GRAP2: variants seen among roughly 807,000 people sequenced by gnomAD.
The protein encoded by GRAP2 is GRB2-related adapter protein 2.
GRAP2 carries 31 observed loss-of-function variants against 43.5 expected under a neutral mutation model. The observed-to-expected ratio is 0.71, with a 90% CI of 0.54 to 0.96. The LOEUF (loss-of-function observed/expected upper bound fraction) is 0.96, where lower values mean the gene tolerates loss of function less well. Ranked by LOEUF, GRAP2 falls within the 40% of genes least tolerant of loss-of-function variation. The pLI is 0.00. For missense variants in GRAP2, 371 were observed against 424.4 expected, an observed-to-expected ratio of 0.87 and a Z score of 1.11; for synonymous variants, 156 against 164.8, an observed-to-expected ratio of 0.95 and a Z score of 0.41.
Position 39,901,273 on chromosome 22 carries a change from A to G in GRAP2, c.-72A>G, listed in dbSNP as rs2066490897. ...TTTGTCTCCCTTCTTGCCAGAAAGG[A>G]TTCTAATAACTCGGTGTCAAAGCCA... is the stretch of plus-strand genomic sequence containing the variant. On this transcript the variant is annotated 5_prime_UTR_variant, in exon 1 of 8. Transcript: ENST00000344138. 1 of 1,283,314 alleles carries G rather than the reference A, an allele frequency of 7.8e-7. No homozygotes were observed. The allele number at this position is 1,283,314 out of a possible 1,614,324, so 79.5% of individuals were successfully genotyped here. A position where few individuals can be genotyped will look rare whatever the true frequency, so the allele number is the denominator to read the frequency against.
chr22:39,916,953 ATCTTTT>A (rs1184591668), intron 1 of GRAP2, among the ~76,000 whole-genome samples: 336 of 152,238 alleles, frequency 2.2e-3, no homozygotes, highest in African/African-American at 7.9e-3. Flanking sequence ...AATTATTATT[ATCTTTT>A]AATTAAAATG....
chr22:39,920,154 CAA>C (rs2066636579), intron 1 of GRAP2, among the ~76,000 whole-genome samples: 1 of 152,150 alleles, frequency 6.6e-6, no homozygotes, highest in Non-Finnish European at 1.5e-5. Flanking sequence ...TGTCAGAGAA[CAA>C]AGAGTGGGCT....
chr22:39,897,182 C>G (rs898486962), upstream of GRAP2, among the ~76,000 whole-genome samples: 1 of 152,166 alleles, frequency 6.6e-6, no homozygotes, highest in Non-Finnish European at 1.5e-5. Flanking sequence ...GCCTTCCAAA[C>G]CTTCTCTCCC....
chr22:39,964,462 A>C, intron 4 of GRAP2: 1 of 1,014,616 alleles, frequency 9.9e-7, no homozygotes, highest in Non-Finnish European at 1.5e-6. Flanking sequence ...GAAGGCTTTC[A>C]AGCAGAAACA....
At chr22:39,967,891 A>G in intron 5 of GRAP2, 151 bp from the exon 6 acceptor site, 2 of 983,176 alleles carry the variant, frequency 2.0e-6, no homozygotes, top group South Asian at 3.7e-5. Flanking sequence ...GTGAAGGTCT[A>G]AAGCATCAAT....
intron 1 of GRAP2, among the ~76,000 whole-genome samples, chr22:39,921,214 C>G (rs2145589197): frequency 6.6e-6 from 1 of 152,276 alleles, no homozygotes; most frequent in South Asian, 2.1e-4. Flanking sequence ...AGCCAGCCAG[C>G]CTGGATTTGA....
At position 39,971,093 on chromosome 22, in the gene GRAP2, G is replaced by C; in HGVS notation, c.*9G>C. 6.3e-7 allele frequency: 1 copy of C among 1,598,826 alleles called. No individual in the cohort carries two copies. The highest frequency in any genetic ancestry group is 8.5e-7 in the Non-Finnish European group (1 of 1,173,802). ...CACCCATGACCCGATAAACTCTTCAGGGGACAGAAGCTTTTTGTCTGGAGC... is the reference window on the plus strand; with the variant it reads ...CACCCATGACCCGATAAACTCTTCACGGGACAGAAGCTTTTTGTCTGGAGC... On this transcript the variant is annotated 3_prime_UTR_variant, in exon 8 of 8. Coordinates refer to ENST00000344138, the MANE Select transcript of GRAP2 (RefSeq NM_004810.4).
intron 4 of GRAP2, among the ~76,000 whole-genome samples, chr22:39,963,381 TAAAAGGGTC>T (rs2067138618): frequency 6.6e-6 from 1 of 152,064 alleles, no homozygotes; most frequent in South Asian, 2.1e-4. Context: ...CTTATGAGAG[TAAAAGGGTC>T]AATGTTTCAC....
intron 1 of GRAP2, among the ~76,000 whole-genome samples, chr22:39,903,908 G>A (rs1046860888): frequency 6.6e-6 from 1 of 152,102 alleles, no homozygotes; most frequent in African/African-American, 2.4e-5. Context: ...CTTCAACAGT[G>A]TTAACATTAA....
upstream of GRAP2, among the ~76,000 whole-genome samples, chr22:39,900,469 A>G (rs766991866): frequency 1.3e-5 from 2 of 152,198 alleles, no homozygotes; most frequent in Admixed American, 6.5e-5. Context: ...TGCAGTTGAT[A>G]TAGGGGGAAG....
intron 3 of GRAP2, among the ~76,000 whole-genome samples, chr22:39,959,613 C>T (rs1321370741): frequency 6.6e-6 from 1 of 152,180 alleles, no homozygotes; most frequent in Non-Finnish European, 1.5e-5. Context: ...GGCATGAGCA[C>T]CCCAGGCCCT....
chr22:39,956,771 T>C (rs951765666), intron 3 of GRAP2, among the ~76,000 whole-genome samples: 4 of 152,210 alleles, frequency 2.6e-5, no homozygotes, highest in South Asian at 4.1e-4. Context: ...ACCCGGCCTA[T>C]TTTAAGTTTT....
chr22:39,912,371 C>A (rs752493773), intron 1 of GRAP2, among the ~76,000 whole-genome samples: 3 of 152,174 alleles, frequency 2.0e-5, no homozygotes, highest in Non-Finnish European at 4.4e-5. Context: ...TGAGATATGA[C>A]TGAGATACTG....
intron 7 of GRAP2, among the ~76,000 whole-genome samples, chr22:39,969,806 T>A (rs2145685294): frequency 6.6e-6 from 1 of 152,106 alleles, no homozygotes; most frequent in East Asian, 1.9e-4. Context: ...CCCAGCTACT[T>A]GGGAGGCTGA....
chr22:39,944,727 A>G (rs2066904623), intron 1 of GRAP2, among the ~76,000 whole-genome samples: 1 of 152,252 alleles, frequency 6.6e-6, no homozygotes, highest in Non-Finnish European at 1.5e-5. Flanking sequence ...GCCTGGACCC[A>G]GTGCCCAAGC....
chr22:39,923,680 T>C (rs899302075), intron 1 of GRAP2, among the ~76,000 whole-genome samples: 1 of 152,160 alleles, frequency 6.6e-6, no homozygotes, highest in Non-Finnish European at 1.5e-5. Context: ...CCTTTACTAA[T>C]GAGGAAAGAA....
chr22:39,921,270 T>G (rs148859590), intron 1 of GRAP2, among the ~76,000 whole-genome samples: 276 of 152,330 alleles, frequency 1.8e-3, no homozygotes, highest in African/African-American at 6.3e-3. Flanking sequence ...GGTTAGCTGC[T>G]TAACCACCTT....
At chr22:39,902,391 A>G (rs1168483046) in intron 1 of GRAP2, among the ~76,000 whole-genome samples, 1 of 152,216 alleles carries the variant, frequency 6.6e-6, no homozygotes, top group Non-Finnish European at 1.5e-5. Flanking sequence ...AACTTTATAG[A>G]ATAATTTTAT....
chr22:39,954,274 C>T (rs920095939), intron 2 of GRAP2, among the ~76,000 whole-genome samples: 3 of 152,196 alleles, frequency 2.0e-5, no homozygotes, highest in African/African-American at 7.2e-5. Flanking sequence ...TCTCAAAGTC[C>T]AGAAGTAGGA....
Sources: allele counts gnomAD v4.1 joint callset (sites outside exome capture counted in the v4.1 genomes callset), GRCh38; gene constraint gnomAD v4.1.1; transcripts MANE v1.5; gene names NCBI Gene and HGNC (gene_info 2026-07-23, HGNC 2026-07-21).